Variants in PCDHA7 observed in about 807,000 individuals in gnomAD.
The protein encoded by PCDHA7 is protocadherin alpha 7.
Under a neutral mutation model 57.2 loss-of-function variants are expected in PCDHA7, and 37 were observed. The observed-to-expected ratio is 0.65, with a 90% confidence interval of 0.50 to 0.85. The LOEUF is 0.85. Ranked by LOEUF, PCDHA7 falls within the 40% of genes least tolerant of loss-of-function variation. The pLI, the probability that PCDHA7 is intolerant of heterozygous loss-of-function variation, is 0.00. For missense variants in PCDHA7, 1,188 were observed against 1,241.8 expected (o/e 0.96, Z 0.65); for synonymous variants, 553 against 558.8 (o/e 0.99, Z 0.15).
chr5:140,938,843 C>G (rs1232774282), intron 1 of PCDHA7, among the ~76,000 whole-genome samples: 1 of 152,130 alleles, frequency 6.6e-6, no homozygotes, highest in East Asian at 1.9e-4. Context: ...AACAAACCTG[C>G]CCATGTACCC....
At chr5:140,857,920 G>A (rs2045011675) in intron 1 of PCDHA7, 2 of 1,597,818 alleles carry the variant, frequency 1.3e-6, no homozygotes, top group Non-Finnish European at 1.7e-6. Flanking sequence ...TTCGCGTGGG[G>A]CTGTACACGG....
At chr5:140,883,133 G>C in intron 1 of PCDHA7, 1 of 1,614,112 alleles carries the variant, frequency 6.2e-7, no homozygotes, top group Non-Finnish European at 8.5e-7. Flanking sequence ...ATGGCCTGCA[G>C]TGGTATATGC....
chr5:140,842,431 C>T (rs2150335989), intron 1 of PCDHA7: 4 of 1,613,646 alleles, frequency 2.5e-6, no homozygotes, highest in Non-Finnish European at 3.4e-6. Context: ...CTGTCATCGC[C>T]CTAATTAGCG....
chr5:140,875,355 T>C (rs909094206), intron 1 of PCDHA7: 8 of 1,446,356 alleles, frequency 5.5e-6, no homozygotes, highest in Non-Finnish European at 7.3e-6. Flanking sequence ...ATGACTGTGA[T>C]GCTGGAAAAA....
chr5:140,928,252 G>A (rs1377533547), intron 1 of PCDHA7: 3 of 1,614,206 alleles, frequency 1.9e-6, no homozygotes, highest in East Asian at 2.2e-5. Flanking sequence ...GGAACTTTTC[G>A]TTGCTGAAAA....
Position 140,986,130 on chromosome 5 carries a change from G to T in PCDHA7, c.2503+3567G>T, listed in dbSNP as rs150350316. ...AGATAAAGATGCCACACTCTGAAAGGATCAACAAGGGCATCACCAAGTAAT... is the reference window on the plus strand; with the variant it reads ...AGATAAAGATGCCACACTCTGAAAGTATCAACAAGGGCATCACCAAGTAAT... On this transcript the variant is annotated intron_variant, in intron 3 of 3. Coordinates refer to ENST00000525929, the MANE Select transcript of PCDHA7 (RefSeq NM_018910.3). 8.5e-5 allele frequency among the ~76,000 whole-genome samples: 13 copies of T among 152,216 alleles called. 1 individual carries two copies. The East Asian group carries it at 2.5e-3, about 29-fold the overall frequency.
chr5:140,873,589 A>C (rs1562682260), intron 1 of PCDHA7, among the ~76,000 whole-genome samples: 1 of 152,272 alleles, frequency 6.6e-6, no homozygotes, highest in Non-Finnish European at 1.5e-5. Context: ...TATTAAGCTA[A>C]ACTTAGATGT....
At chr5:140,869,497 G>T (rs2051177889) in intron 1 of PCDHA7, 2 of 1,614,084 alleles carry the variant, frequency 1.2e-6, no homozygotes. Flanking sequence ...CAACCCGCCG[G>T]TGTTCTCGCT....
At chr5:140,992,605 A>C (rs2097521923) in intron 3 of PCDHA7, among the ~76,000 whole-genome samples, 1 of 152,166 alleles carries the variant, frequency 6.6e-6, no homozygotes, top group South Asian at 2.1e-4. Flanking sequence ...TCTGTGTCTA[A>C]GTGAAAGCAG....
intron 1 of PCDHA7, among the ~76,000 whole-genome samples, chr5:140,923,301 G>C (rs1554201374): frequency 6.6e-6 from 1 of 152,206 alleles, no homozygotes; most frequent in African/African-American, 2.4e-5. Context: ...AGCTGGGCGT[G>C]GGGGCGCTTG....
chr5:140,938,226 A>G lies in PCDHA7; in HGVS notation c.2356-40723A>G, dbSNP rs529190111. On this transcript the variant is annotated intron_variant, in intron 1 of 3. Transcript: ENST00000525929. ...CTCCCAAAGTGCTGGGATTACAGGC[A>G]TAGGCCACCATGCCTGGTCTTTTAA... Among the ~76,000 whole-genome samples the G allele has an allele frequency of 3.3e-5, 5 of 152,330 alleles. No individual in the cohort carries two copies. In the South Asian group the frequency reaches 1.0e-3, roughly 32 times the overall value.
In PCDHA7 at chr5:140,848,635, G is replaced by A; in HGVS notation, c.2355+11897G>A. 2.5e-6 allele frequency: 4 copies of A among 1,593,292 alleles called. 1 individual carries two copies. Among genetic ancestry groups the A allele is most frequent in the Admixed American group, 1.7e-5 (1 of 59,228 alleles). On this transcript the variant is annotated intron_variant, in intron 1 of 3. Transcript: ENST00000525929. ...GCCGAACACGGCACCTTCGTGGGCC[G>A]CATCGCGCAGGACCTGGGGCTGGAG...
chr5:140,886,697 G>A (rs1230801248), intron 1 of PCDHA7, among the ~76,000 whole-genome samples: 4 of 151,750 alleles, frequency 2.6e-5, no homozygotes. Context: ...ATGGTGGCAC[G>A]CGCCTGTAAT....
rs115129184 is a variant in PCDHA7, at chr5:140,964,722, A to G, written c.2356-14227A>G. 3.1e-3 allele frequency among the ~76,000 whole-genome samples: 468 copies of G among 152,140 alleles called. 3 individuals are homozygous for G. The highest frequency in any genetic ancestry group is 5.1e-3 in the Non-Finnish European group (346 of 67,996). On this transcript the variant is annotated intron_variant, in intron 1 of 3. Transcript: ENST00000525929. ...AAGGCCTCCGAGATCAAATTACCAC[A>G]GCAAACTGAGACAGAATTATTGTAG...
At chr5:140,987,296 A>G (rs782162576) in intron 3 of PCDHA7, among the ~76,000 whole-genome samples, 1 of 152,126 alleles carries the variant, frequency 6.6e-6, no homozygotes, top group African/African-American at 2.4e-5. Context: ...CAAGCCTTCT[A>G]TGTGATACCA....
At chr5:140,936,418 T>G (rs2090950050) in intron 1 of PCDHA7, among the ~76,000 whole-genome samples, 1 of 152,222 alleles carries the variant, frequency 6.6e-6, no homozygotes, top group African/African-American at 2.4e-5. Context: ...ATGTTACTAA[T>G]TTTAATTAAT....
intron 1 of PCDHA7, chr5:140,969,147 A>C (rs781909774): frequency 1.2e-6 from 2 of 1,614,172 alleles, no homozygotes; most frequent in South Asian, 2.2e-5. Flanking sequence ...TACTGCTACA[A>C]GGCCTGTCTG....
At chr5:140,898,706 G>T (rs1554188200) in intron 1 of PCDHA7, among the ~76,000 whole-genome samples, 1 of 152,170 alleles carries the variant, frequency 6.6e-6, no homozygotes, top group Admixed American at 6.5e-5. Context: ...CTTTAAAGTA[G>T]TTTTTTCCAA....
chr5:140,929,179 G>T (rs782673786), intron 1 of PCDHA7: 5 of 1,614,104 alleles, frequency 3.1e-6, no homozygotes, highest in Non-Finnish European at 4.2e-6. Context: ...TCTGGGACTT[G>T]GTTCTGATAA....
Sources: gnomAD v4.1 joint callset for allele counts (sites outside exome capture counted in the v4.1 genomes callset) on GRCh38, gnomAD v4.1.1 for gene constraint, MANE v1.5 for transcripts, NCBI Gene and HGNC (gene_info 2026-07-23, HGNC 2026-07-21) for gene names.